Variants in MTPN observed in about 807,000 individuals in gnomAD.
MTPN encodes myotrophin, also known as granule cell differentiation protein.
A neutral mutation model predicts 13.5 loss-of-function variants in MTPN; 2 were observed. That is an observed-to-expected ratio of 0.15 (90% CI 0.06 to 0.47). MTPN has a LOEUF of 0.47. Ranked by LOEUF, MTPN falls within the 20% of genes least tolerant of loss-of-function variation. The pLI is 0.97. For synonymous variants in MTPN, 46 were observed against 51.7 expected (o/e 0.89, Z 0.48); for missense variants, 79 against 137.9 (o/e 0.57, Z 2.14).
chr7:135,955,612 A>T (rs1372615990), intron 1 of MTPN, among the ~76,000 whole-genome samples: 1 of 152,140 alleles, frequency 6.6e-6, no homozygotes, highest in East Asian at 1.9e-4. Flanking sequence ...AACAAGACAA[A>T]GATGTTATAA....
chr7:135,967,976 A>G (rs1436495649), intron 1 of MTPN, among the ~76,000 whole-genome samples: 1 of 152,082 alleles, frequency 6.6e-6, no homozygotes, highest in African/African-American at 2.4e-5. Context: ...TTTGTGGTTG[A>G]GATGGAAGTC....
intron 1 of MTPN, among the ~76,000 whole-genome samples, chr7:135,968,728 A>G (rs956657620): frequency 1.4e-4 from 16 of 115,146 alleles, no homozygotes; most frequent in African/African-American, 3.1e-4. Context: ...AGCATTCCAG[A>G]AAAAAAAAAA....
At chr7:135,957,740 T>C (rs1451475357) in intron 1 of MTPN, among the ~76,000 whole-genome samples, 2 of 152,176 alleles carry the variant, frequency 1.3e-5, no homozygotes, top group Non-Finnish European at 2.9e-5. Context: ...AGATTAATGT[T>C]CTCACTGGGT....
At chr7:135,934,242 T>TA (rs1400507780) in intron 3 of MTPN, among the ~76,000 whole-genome samples, 1 of 152,152 alleles carries the variant, frequency 6.6e-6, no homozygotes, top group African/African-American at 2.4e-5. Flanking sequence ...TTCTTGCTTA[T>TA]AAAACAGTCT....
chr7:135,933,218 A>G (rs1799054603), intron 3 of MTPN, among the ~76,000 whole-genome samples: 1 of 151,864 alleles, frequency 6.6e-6, no homozygotes, highest in Admixed American at 6.6e-5. Flanking sequence ...AATTATTTGC[A>G]TAGCTTTAAA....
chr7:135,955,369 G>A (rs1358923291), intron 1 of MTPN, among the ~76,000 whole-genome samples: 1 of 152,092 alleles, frequency 6.6e-6, no homozygotes, highest in African/African-American at 2.4e-5. Context: ...CAATACAACT[G>A]ATAAGCCTCT....
intron 3 of MTPN, among the ~76,000 whole-genome samples, chr7:135,935,424 T>G (rs529822217): frequency 6.6e-6 from 1 of 152,248 alleles, no homozygotes; most frequent in East Asian, 1.9e-4. Context: ...GTATTTTTAG[T>G]AGAGATAGGG....
At chr7:135,941,449 G>C (rs193298622) in intron 3 of MTPN, among the ~76,000 whole-genome samples, 24 of 122,138 alleles carry the variant, frequency 2.0e-4, no homozygotes, top group Admixed American at 1.5e-3. Flanking sequence ...GTTAAGTGTT[G>C]ATGCTGTTGT....
chr7:135,927,473 A>AT lies in MTPN; in HGVS notation c.*2452dup. 2 of 1,499,812 alleles carry AT rather than the reference A, an allele frequency of 1.3e-6. No individual in the cohort carries two copies. Among genetic ancestry groups the AT allele is most frequent in the Non-Finnish European group, 1.8e-6 (2 of 1,113,640 alleles). The allele number at this position is 1,499,812 out of a possible 1,614,324, so 92.9% of individuals were successfully genotyped here. On this transcript the variant is annotated 3_prime_UTR_variant, in exon 4 of 4. Transcript: ENST00000393085. The stretch of plus-strand genomic sequence containing the variant: ...AATACAAAACTACAGAACATGCAAA[A>AT]TTTTTTCTGAGATGTTAAGTATTAC...
At chr7:135,939,576 C>CGGGGGGGGGGGGG (rs71174561) in intron 3 of MTPN, among the ~76,000 whole-genome samples, 2 of 4,740 alleles carry the variant, frequency 4.2e-4, no homozygotes, top group Non-Finnish European at 5.8e-4. Context: ...AAAATGGGGG[C>CGGGGGGGGGGGGG]GGGGGGGGGG....
intron 1 of MTPN, among the ~76,000 whole-genome samples, chr7:135,970,873 A>G (rs34509018): frequency 0.016 from 2,450 of 152,296 alleles, 32 homozygotes; most frequent in African/African-American, 0.037. Context: ...CTTTCTGAAT[A>G]GGTCACCAGC....
In MTPN at chr7:135,927,867, G is replaced by T; in HGVS notation, c.*2059C>A. 1 of 351,794 alleles carries T rather than the reference G, an allele frequency of 2.8e-6. No homozygotes were observed. Among genetic ancestry groups the T allele is most frequent in the South Asian group, 2.4e-5 (1 of 41,492 alleles). The allele number at this position is 351,794 out of a possible 1,614,324, so 21.8% of individuals were successfully genotyped here. ...TACCATGAATGTAGAAAGCAGACCA[G>T]GTTTAGGAATGATAGGACAATGCAC... On this transcript the variant is annotated 3_prime_UTR_variant, in exon 4 of 4. Coordinates refer to ENST00000393085, the MANE Select transcript of MTPN (RefSeq NM_145808.4).
intron 1 of MTPN, among the ~76,000 whole-genome samples, chr7:135,958,988 G>A (rs1799484320): frequency 6.6e-6 from 1 of 152,042 alleles, no homozygotes; most frequent in Non-Finnish European, 1.5e-5. Flanking sequence ...CCACTCCATT[G>A]CCACCACATA....
At chr7:135,944,626 G>C (rs1388263514) in intron 3 of MTPN, among the ~76,000 whole-genome samples, 1 of 152,036 alleles carries the variant, frequency 6.6e-6, no homozygotes, top group Non-Finnish European at 1.5e-5. Context: ...CAGCCTGGGG[G>C]ACAGAGGGAG....
intron 1 of MTPN, among the ~76,000 whole-genome samples, chr7:135,970,371 T>C (rs1799675878): frequency 6.6e-6 from 1 of 152,228 alleles, no homozygotes; most frequent in Non-Finnish European, 1.5e-5. Flanking sequence ...ACTGTGGCAT[T>C]TTAAAATCCA....
chr7:135,933,092 C>T (rs1041975729), intron 3 of MTPN, among the ~76,000 whole-genome samples: 2 of 106,302 alleles, frequency 1.9e-5, no homozygotes, highest in Non-Finnish European at 3.5e-5. Context: ...AAGACTCACT[C>T]AGCCTCAAAA....
Position 135,927,883 on chromosome 7 carries a change from G to T in MTPN, c.*2043C>A. 1 of 326,176 alleles carries T rather than the reference G, an allele frequency of 3.1e-6. No homozygotes were observed. 20.2% of individuals were successfully genotyped at this position (326,176 alleles called of 1,614,324 possible). A position where few individuals can be genotyped will look rare whatever the true frequency, so the allele number is the denominator to read the frequency against. Reference sequence around the variant, plus strand: ...AGCAGACCAGGTTTAGGAATGATAGGACAATGCACTCTCTGCAATAGCCAA... The same window carrying T: ...AGCAGACCAGGTTTAGGAATGATAGTACAATGCACTCTCTGCAATAGCCAA... On this transcript the variant is annotated 3_prime_UTR_variant, in exon 4 of 4. Coordinates refer to ENST00000393085, the MANE Select transcript of MTPN (RefSeq NM_145808.4).
Position 135,927,336 on chromosome 7 carries a change from T to C in MTPN, c.*2590A>G. 1 of 1,551,270 alleles carries C rather than the reference T, an allele frequency of 6.4e-7. No individual in the cohort carries two copies. Among genetic ancestry groups the C allele is most frequent in the African/African-American group, 1.4e-5 (1 of 73,172 alleles). ...ATATTCAAGTGCTGTATTTGAACGA[T>C]AAGCCTATAGATAACAGTCTGAAGC... On this transcript the variant is annotated 3_prime_UTR_variant, in exon 4 of 4. Transcript: ENST00000393085.
chr7:135,976,031 A>G (rs2116420308), intron 1 of MTPN, among the ~76,000 whole-genome samples: 1 of 152,350 alleles, frequency 6.6e-6, no homozygotes, highest in Non-Finnish European at 1.5e-5. Flanking sequence ...AAGGTGAGCA[A>G]GATGCCATCC....
Sources: allele counts gnomAD v4.1 joint callset (sites outside exome capture counted in the v4.1 genomes callset), GRCh38; gene constraint gnomAD v4.1.1; transcripts MANE v1.5; gene names NCBI Gene and HGNC (gene_info 2026-07-23, HGNC 2026-07-21).